The following FXR1 variants were observed in gnomAD, a reference collection of about 807,000 sequenced individuals.
FXR1 encodes the protein RNA-binding protein FXR1.
In FXR1, 15 loss-of-function variants were observed where a neutral mutation model predicts 84.0. The observed-to-expected ratio is 0.18, with a 90% CI of 0.12 to 0.27. The LOEUF is 0.27. Ranked by LOEUF, FXR1 falls within the 10% of genes least tolerant of loss-of-function variation. The pLI, the probability that FXR1 is intolerant of heterozygous loss-of-function variation, is 1.00. For missense variants in FXR1, 480 were observed against 774.4 expected, an observed-to-expected ratio of 0.62 and a Z score of 4.51; for synonymous variants, 245 against 250.7, an observed-to-expected ratio of 0.98 and a Z score of 0.21.
rs1560164955 is a variant in FXR1 at position 180,926,508 on chromosome 3, T to TATA, written c.52-6826_52-6825insATA. Among the ~76,000 whole-genome samples the TATA allele has an allele frequency of 8.8e-3, 1,031 of 116,648 alleles. 9 individuals are homozygous for TATA. Among genetic ancestry groups the TATA allele is most frequent in the Non-Finnish European group, 0.015 (781 of 50,388 alleles). The allele number at this position is 116,648 out of a possible 152,430, so 76.5% of individuals were successfully genotyped here. On this transcript the variant is annotated intron_variant, in intron 1 of 16. Transcript: ENST00000357559. ...TATATATATATATATATATATATAT[T>TATA]TTTTTTTCTGGCCTTTTGTTGGCAT...
chr3:180,933,194 A>T, intron 1 of FXR1, 140 bp from the exon 2 acceptor site: 2 of 602,876 alleles, frequency 3.3e-6, no homozygotes, highest in South Asian at 2.1e-5. Context: ...AATAGAATAG[A>T]TGGAAATCAA....
intron 3 of FXR1, among the ~76,000 whole-genome samples, chr3:180,944,933 C>T (rs536258387): frequency 1.3e-5 from 2 of 152,316 alleles, no homozygotes; most frequent in East Asian, 3.9e-4. Flanking sequence ...CCTTATTAGA[C>T]ATTTTAGTGA....
chr3:180,916,488 A>T lies in FXR1; in HGVS notation c.51+3752A>T, dbSNP rs542108476. 3.6e-4 allele frequency among the ~76,000 whole-genome samples: 55 copies of T among 152,038 alleles called. 2 individuals are homozygous for T. The highest frequency in any genetic ancestry group is 5.9e-5 in the Non-Finnish European group (4 of 68,004). On this transcript the variant is annotated intron_variant, in intron 1 of 16. Transcript: ENST00000357559. ...AGTGGTGCGATCTCGGCTCACTGCA[A>T]CCTCCACCTCCCAGGTTCAAGTGAT...
At chr3:180,974,160 CTTTTTTTT>C (rs200685504) in intron 15 of FXR1, among the ~76,000 whole-genome samples, 1 of 143,308 alleles carries the variant, frequency 7.0e-6, no homozygotes, top group Admixed American at 7.0e-5. Flanking sequence ...AGTTTCAATT[CTTTTTTTT>C]TTTTTTTGAA....
chr3:180,971,284 A>C (rs567790242), intron 15 of FXR1: 14 of 190,944 alleles, frequency 7.3e-5, no homozygotes, highest in East Asian at 3.0e-4. Context: ...GCATTGCATA[A>C]ATTGTTTATT....
intron 6 of FXR1, 147 bp from the exon 7 acceptor site, chr3:180,949,080 A>C: frequency 1.5e-6 from 1 of 682,072 alleles, no homozygotes; most frequent in Non-Finnish European, 2.7e-6. Flanking sequence ...TCAGAAAGGA[A>C]AGTGTGATTA....
intron 10 of FXR1, among the ~76,000 whole-genome samples, chr3:180,958,910 C>G (rs1007319662): frequency 1.3e-5 from 2 of 150,968 alleles, no homozygotes; most frequent in Non-Finnish European, 2.9e-5. Flanking sequence ...CTCATTCAAG[C>G]GAGTCTCCTG....
chr3:180,912,826 G>T, intron 1 of FXR1, 90 bp downstream of exon 1: 1 of 1,604,618 alleles, frequency 6.2e-7, no homozygotes, highest in East Asian at 2.2e-5. Context: ...GAGGTTTGGG[G>T]TCGGAAAGGC....
chr3:180,926,506 A>ATATATATATTTTTTT (rs72192827), intron 1 of FXR1, among the ~76,000 whole-genome samples: 3 of 124,378 alleles, frequency 2.4e-5, no homozygotes, highest in Non-Finnish European at 3.4e-5. Flanking sequence ...ATATATATAT[A>ATATATATATTTTTTT]TTTTTTTTTC....
chr3:180,963,054 A>G lies in FXR1; in HGVS notation c.1162A>G (p.Arg388Gly). The change falls in exon 13 of 17, where the codon AGA becomes GGA. Residue 388 changes from arginine (R) to glycine (G), a missense_variant. Physicochemically the swap from Arg to Gly is moderately radical, Grantham distance 125. Transcript: ENST00000357559. ...TTCTAGGTCTTATAGCGGAAGAGGC[A>G]GAGGTCGTCGGGGACCTAATTACAC... is the stretch of plus-strand genomic sequence containing the variant. ...IGSRSYSGRG[R>G]GRRGPNYTSG... 6.2e-7 allele frequency: 1 copy of G among 1,603,664 alleles called. No homozygotes were observed. The highest frequency in any genetic ancestry group is 8.5e-7 in the Non-Finnish European group (1 of 1,170,738).
chr3:180,914,913 T>G, intron 1 of FXR1: 1 of 984,716 alleles, frequency 1.0e-6, no homozygotes, highest in Non-Finnish European at 1.2e-6. Flanking sequence ...TTGTGGAAAC[T>G]GTGGTCTTCA....
intron 3 of FXR1, among the ~76,000 whole-genome samples, chr3:180,942,373 G>A (rs556333833): frequency 4.6e-5 from 3 of 64,854 alleles, no homozygotes; most frequent in South Asian, 5.8e-4. Context: ...GCGAGACTCC[G>A]TCTCAAAAAA....
chr3:180,967,875 A>G (rs907504653), intron 13 of FXR1, among the ~76,000 whole-genome samples, 176 bp from the exon 14 acceptor site: 3 of 152,198 alleles, frequency 2.0e-5, no homozygotes, highest in African/African-American at 4.8e-5. Context: ...TATTAATAGT[A>G]TAATAATTGA....
intron 3 of FXR1, among the ~76,000 whole-genome samples, chr3:180,945,688 G>A (rs1721623856): frequency 6.6e-6 from 1 of 152,174 alleles, no homozygotes; most frequent in South Asian, 2.1e-4. Flanking sequence ...GGGATTATAG[G>A]TGTAAGCCAC....
chr3:180,961,769 C>A (rs1712149636), intron 11 of FXR1, among the ~76,000 whole-genome samples: 1 of 152,104 alleles, frequency 6.6e-6, no homozygotes, highest in African/African-American at 2.4e-5. Flanking sequence ...AAATGATTGG[C>A]CTTGTGTGCA....
At chr3:180,969,861 A>G (rs1328932764) in intron 14 of FXR1, among the ~76,000 whole-genome samples, 1 of 152,200 alleles carries the variant, frequency 6.6e-6, no homozygotes, top group Admixed American at 6.5e-5. Context: ...AAGAATTAGC[A>G]TTTAATACAC....
At chr3:180,966,100 C>G (rs1481785331) in intron 13 of FXR1, among the ~76,000 whole-genome samples, 2 of 151,576 alleles carry the variant, frequency 1.3e-5, no homozygotes, top group Non-Finnish European at 2.9e-5. Flanking sequence ...TTTTTTTTCA[C>G]TATTCAAGGA....
At position 180,972,712 on chromosome 3, in the gene FXR1, G is replaced by A. The variant is rs565702230; in HGVS notation, c.1603+2354G>A. ...TAATTGCAACTTGAGTAGTTTGGAG[G>A]CTTCAACAGTTTGACAATGATTTCT... On this transcript the variant is annotated intron_variant, in intron 15 of 16. Transcript: ENST00000357559. 1.2e-4 allele frequency among the ~76,000 whole-genome samples: 18 copies of A among 152,286 alleles called. 2 individuals carry two copies. The South Asian group carries it at 3.7e-3, about 32-fold the overall frequency.
At chr3:180,956,283 C>G (rs1376118139) in intron 9 of FXR1, among the ~76,000 whole-genome samples, 3 of 152,220 alleles carry the variant, frequency 2.0e-5, no homozygotes, top group Admixed American at 1.3e-4. Flanking sequence ...AATCACTTCT[C>G]TCTGTCCCTT....
Sources: allele counts gnomAD v4.1 joint callset (sites outside exome capture counted in the v4.1 genomes callset), GRCh38; gene constraint gnomAD v4.1.1; transcripts MANE v1.5; gene names NCBI Gene and HGNC (gene_info 2026-07-23, HGNC 2026-07-21).